The following CSMD3 variants were observed in gnomAD, a reference collection of about 807,000 sequenced individuals.
CSMD3 encodes the protein CUB and sushi domain-containing protein 3.
In CSMD3, 177 loss-of-function variants were observed where a neutral mutation model predicts 435.2. The ratio of observed to expected loss-of-function variants is 0.41; its 90% CI spans 0.36 to 0.46. The LOEUF is 0.46. CSMD3 is among the 20% of genes least tolerant of loss of function. The pLI is 0.34. For missense variants in CSMD3, 4,265 were observed against 4,504.6 expected (o/e 0.95, Z 1.52); for synonymous variants, 1,656 against 1,520.5 (o/e 1.09, Z -2.07).
At chr8:113,285,915 T>G (rs1341275217) in intron 2 of CSMD3, among the ~76,000 whole-genome samples, 1 of 152,222 alleles carries the variant, frequency 6.6e-6, no homozygotes, top group African/African-American at 2.4e-5. Flanking sequence ...CTATTTATTT[T>G]TTTACATTTC....
chr8:112,294,649 A>G (rs898811435), intron 54 of CSMD3, among the ~76,000 whole-genome samples: 3 of 152,104 alleles, frequency 2.0e-5, no homozygotes, highest in Non-Finnish European at 4.4e-5. Flanking sequence ...ATATAGGAAG[A>G]GATCCATTAA....
intron 9 of CSMD3, among the ~76,000 whole-genome samples, chr8:112,939,541 G>T (rs2083386527): frequency 6.6e-6 from 1 of 151,958 alleles, no homozygotes; most frequent in African/African-American, 2.4e-5. Flanking sequence ...AAGAGCAATA[G>T]AACTTAAAAG....
At chr8:112,365,689 C>T (rs903421343) in intron 38 of CSMD3, among the ~76,000 whole-genome samples, 4 of 151,914 alleles carry the variant, frequency 2.6e-5, no homozygotes, top group Admixed American at 6.6e-5. Flanking sequence ...TGATGCTTTA[C>T]AAAAAGTGTA....
intron 29 of CSMD3, among the ~76,000 whole-genome samples, chr8:112,505,434 T>C (rs1250474675): frequency 6.6e-6 from 1 of 152,150 alleles, no homozygotes; most frequent in African/African-American, 2.4e-5. Flanking sequence ...TAAACTTTGA[T>C]GGTAATTACA....
rs2129839109 is a variant in CSMD3 at position 112,228,862 on chromosome 8, A to T, written c.10858T>A (p.Ser3620Thr). The T allele has an allele frequency of 6.4e-7, 1 of 1,573,088 alleles. No individual in the cohort carries two copies. Among genetic ancestry groups the T allele is most frequent in the Non-Finnish European group, 8.7e-7 (1 of 1,144,034 alleles). ...GLNMSEGSNS[S>T]NQPHGTNSSS... ...CTATTTGTACCATGAGGTTGATTTG[A>T]AGAATTTGAACCTTCTGACATATTC... is the stretch of plus-strand genomic sequence containing the variant. Residue 3620 changes from serine to threonine, a missense_variant, in exon 70 of 71, where the codon TCA (serine) becomes ACA (threonine). By Grantham distance (58) the Ser-to-Thr change is moderately conservative. Coordinates refer to ENST00000297405, the MANE Select transcript of CSMD3 (RefSeq NM_198123.2).
At chr8:112,555,238 C>T (rs1828015371) in intron 25 of CSMD3, among the ~76,000 whole-genome samples, 1 of 151,924 alleles carries the variant, frequency 6.6e-6, no homozygotes, top group Non-Finnish European at 1.5e-5. Flanking sequence ...TACTAAATAT[C>T]CTTCCATTTG....
Position 112,779,219 on chromosome 8 carries a change from T to C in CSMD3, c.1972+20943A>G, listed in dbSNP as rs374076841. Among the ~76,000 whole-genome samples the C allele has an allele frequency of 2.0e-4, 30 of 151,594 alleles. No individual in the cohort carries two copies. In the East Asian group the frequency reaches 5.1e-3, roughly 26 times the overall value. On this transcript the variant is annotated intron_variant, in intron 13 of 70. Transcript: ENST00000297405. ...TGTGTATATGTATTTAACATTGACC[T>C]CAGCAGTAGCTCAAAGTTTTTCATT...
In CSMD3 at chr8:112,341,592, G is replaced by A. The variant is rs779585772; in HGVS notation, c.6537C>T (p.Gly2179=). 1 of 1,612,306 alleles carries A rather than the reference G, an allele frequency of 6.2e-7. No homozygotes were observed. The highest frequency in any genetic ancestry group is 8.5e-7 in the Non-Finnish European group (1 of 1,178,504). ...SGSSETSTVI[G]RLSGPQIPSS... ...ATGGTATTTGAGGACCACTAAGCCG[G>A]CCAATAACAGTACTAGTTTCTGAGG... Residue 2179 remains glycine, a synonymous_variant, in exon 42 of 71, where the codon GGC becomes GGT. Coordinates refer to ENST00000297405, the MANE Select transcript of CSMD3 (RefSeq NM_198123.2).
chr8:112,229,629 A>G (rs1251522909), intron 69 of CSMD3, among the ~76,000 whole-genome samples: 1 of 152,012 alleles, frequency 6.6e-6, no homozygotes, highest in African/African-American at 2.4e-5. Flanking sequence ...GGGTTTCACC[A>G]TGTTGCCCAT....
At position 112,255,360 on chromosome 8, in the gene CSMD3, C is replaced by G. The variant is rs1418525050; in HGVS notation, c.9930G>C (p.Gln3310His). The change falls in exon 62 of 71, where the codon CAG becomes CAC. Residue 3310 changes from glutamine to histidine, a missense_variant. Around this residue, in one of 3 missense-constraint regions of CSMD3, gnomAD observed 3,255 missense variants for 3,380.2 expected, o/e 0.96. Coordinates refer to ENST00000297405, the MANE Select transcript of CSMD3 (RefSeq NM_198123.2). The part of the protein sequence containing the change: ...GKREGKSFIY[Q>H]SEVSFSCNFP... ...AATTGCAGCTGAATGAAACCTCTGA[C>G]TGGTATATAAAGCTTTTGCCTTCTC... 2.5e-6 allele frequency: 4 copies of G among 1,613,566 alleles called. No individual in the cohort carries two copies. The African/African-American group carries it at 5.3e-5, about 22-fold the overall frequency.
chr8:112,324,585 G>T (rs1420261709), intron 45 of CSMD3, among the ~76,000 whole-genome samples: 1 of 150,572 alleles, frequency 6.6e-6, no homozygotes, highest in Non-Finnish European at 1.5e-5. Context: ...GTGTGTGGGT[G>T]TGTGTGTGTG....
At chr8:113,366,531 C>T (rs1235009366) in intron 1 of CSMD3, among the ~76,000 whole-genome samples, 1 of 152,034 alleles carries the variant, frequency 6.6e-6, no homozygotes, top group African/African-American at 2.4e-5. Flanking sequence ...GCATGGCCCT[C>T]CATCTTCCAA....
Position 112,636,980 on chromosome 8 carries a change from A to C in CSMD3, c.3552T>G (p.Asp1184Glu). Residue 1184 changes from aspartate (D) to glutamate (E), a missense_variant, in exon 22 of 71, where the codon GAT becomes GAG. By Grantham distance (45) the Asp-to-Glu change is conservative. This residue lies in a region of CSMD3 where 3,255 missense variants were observed against 3,380.2 expected (regional missense o/e 0.96). Coordinates refer to ENST00000297405, the MANE Select transcript of CSMD3 (RefSeq NM_198123.2). ...FSEYNLEPCE[D>E]PGIPQYGSRI... The stretch of plus-strand genomic sequence containing the variant: ...GACTACCATATTGAGGAATGCCAGG[A>C]TCTTCACAAGGTTCAAGGTTATATT... 1 of 1,613,772 alleles carries C rather than the reference A, an allele frequency of 6.2e-7. No individual in the cohort carries two copies. Among genetic ancestry groups the C allele is most frequent in the Non-Finnish European group, 8.5e-7 (1 of 1,179,776 alleles).
intron 32 of CSMD3, among the ~76,000 whole-genome samples, chr8:112,468,671 C>T (rs1818216911): frequency 6.6e-6 from 1 of 151,930 alleles, no homozygotes; most frequent in Non-Finnish European, 1.5e-5. Flanking sequence ...TTCATAAAGT[C>T]TTAGGCAACT....
intron 32 of CSMD3, among the ~76,000 whole-genome samples, chr8:112,439,131 A>C (rs991828346): frequency 6.6e-6 from 1 of 152,076 alleles, no homozygotes; most frequent in Non-Finnish European, 1.5e-5. Flanking sequence ...ATGCAGTGTG[A>C]TATACTTTTG....
chr8:112,725,534 T>C (rs2076945736), intron 13 of CSMD3, among the ~76,000 whole-genome samples: 1 of 152,000 alleles, frequency 6.6e-6, no homozygotes, highest in African/African-American at 2.4e-5. Flanking sequence ...TCCAAATTAA[T>C]AAACTCTAAA....
chr8:113,386,111 CA>C (rs1378699799), intron 1 of CSMD3, among the ~76,000 whole-genome samples: 3 of 151,914 alleles, frequency 2.0e-5, no homozygotes, highest in Non-Finnish European at 2.9e-5. Context: ...AATATTGTGC[CA>C]AAAATACAAA....
chr8:112,464,757 A>C (rs1418214997), intron 32 of CSMD3, among the ~76,000 whole-genome samples: 2 of 152,208 alleles, frequency 1.3e-5, no homozygotes, highest in East Asian at 3.9e-4. Flanking sequence ...GAGATGCACC[A>C]CTTAGCAAAC....
intron 13 of CSMD3, among the ~76,000 whole-genome samples, chr8:112,778,543 C>T (rs1486997442): frequency 6.6e-6 from 1 of 151,824 alleles, no homozygotes; most frequent in Non-Finnish European, 1.5e-5. Context: ...CTTGATAGAT[C>T]ATTTCTTTTT....
Sources: allele counts gnomAD v4.1 joint callset (sites outside exome capture counted in the v4.1 genomes callset), GRCh38; gene constraint gnomAD v4.1.1; regional missense constraint gnomAD v4.1.1; transcripts MANE v1.5; gene names NCBI Gene and HGNC (gene_info 2026-07-23, HGNC 2026-07-21).